The following ITGB4 variants were observed in gnomAD, a reference collection of about 807,000 sequenced individuals.
ITGB4 encodes integrin subunit beta 4, also known as integrin beta-4.
In ITGB4, 159 loss-of-function variants were observed where a neutral mutation model predicts 207.6. That is an observed-to-expected ratio of 0.77 (90% confidence interval 0.67 to 0.87). The LOEUF (loss-of-function observed/expected upper bound fraction) is 0.87. Ranked by LOEUF, ITGB4 falls within the 40% of genes least tolerant of loss-of-function variation. The pLI, the probability that ITGB4 is intolerant of heterozygous loss-of-function variation, is 0.00. For missense variants in ITGB4, 2,278 were observed against 2,546.8 expected (o/e 0.89, Z 2.27); for synonymous variants, 1,020 against 1,062.7 (o/e 0.96, Z 0.78).
rs1001372290 is a variant in ITGB4, at chr17:75,722,922, G to A, written c.-11+1310G>A. Among the ~76,000 whole-genome samples, 10 of 152,122 alleles carry A rather than the reference G, an allele frequency of 6.6e-5. No homozygotes were observed. The highest frequency in any genetic ancestry group is 2.1e-4 in the South Asian group (1 of 4,826). ...GGTCCGGGCCGCCTGGAGAGTAGGT[G>A]TCCTGAGCGCTGGGCCCAGCCCATC... is the stretch of plus-strand genomic sequence containing the variant. On this transcript the variant is annotated intron_variant, in intron 1 of 39. Transcript: ENST00000200181. This position sits in a 1 kb window ranked among gnomAD's most constrained non-coding sequence, Gnocchi z 6.2.
At chr17:75,754,530 G>A (rs572186171) in intron 33 of ITGB4, 46 bp from the exon 34 acceptor site, 41 of 1,611,820 alleles carry the variant, frequency 2.5e-5, no homozygotes, top group Admixed American at 1.2e-4. Context: ...CACGGGGCCC[G>A]GGTCTGGGGC....
At chr17:75,733,091 A>T (rs820170) in intron 12 of ITGB4, among the ~76,000 whole-genome samples, 39,806 of 149,944 alleles carry the variant, frequency 0.27, 5,461 homozygotes, top group East Asian at 0.42. Context: ...GTCTTGAAAA[A>T]AAATAAAATA....
chr17:75,753,652 T>G, intron 32 of ITGB4, 113 bp from the exon 33 acceptor site: 1 of 646,916 alleles, frequency 1.5e-6, no homozygotes, highest in Non-Finnish European at 2.2e-6. Context: ...CACCCCGGGA[T>G]CCCGGGAGCT....
At chr17:75,756,386 G>C (rs201144354) in intron 35 of ITGB4, 43 bp from the exon 36 acceptor site, 63 of 1,606,310 alleles carry the variant, frequency 3.9e-5, no homozygotes, top group Non-Finnish European at 5.4e-5. Flanking sequence ...CCAGGGGTGG[G>C]AGTAACACTG....
intron 13 of ITGB4, among the ~76,000 whole-genome samples, chr17:75,734,575 A>G (rs558366917): frequency 2.8e-4 from 42 of 152,212 alleles, no homozygotes; most frequent in Non-Finnish European, 5.3e-4. Context: ...AACTCAGACA[A>G]GGGGACATAG....
intron 26 of ITGB4, among the ~76,000 whole-genome samples, chr17:75,745,246 A>C (rs936566842): frequency 6.6e-6 from 1 of 152,038 alleles, no homozygotes; most frequent in Non-Finnish European, 1.5e-5. Flanking sequence ...TTTAAACATT[A>C]GCTGGGCATG....
Position 75,727,621 on chromosome 17 carries a change from T to G in ITGB4, c.265-30T>G, listed in dbSNP as rs1238077893. ...CCATCGGGCCTCCGGAGTGACCCTC[T>G]AGCCAGCTGTCCCCTTCCACTGGCT... On this transcript the variant is annotated intron_variant, in intron 4 of 39. Coordinates refer to ENST00000200181, the MANE Select transcript of ITGB4 (RefSeq NM_000213.5). This position sits in a 1 kb window ranked among gnomAD's most constrained non-coding sequence, Gnocchi z 6.0. The G allele has an allele frequency of 1.3e-6, 2 of 1,586,508 alleles. No homozygotes were observed. The highest frequency in any genetic ancestry group is 1.7e-6 in the Non-Finnish European group (2 of 1,166,464).
Position 75,727,142 on chromosome 17 carries a change from G to A in ITGB4, c.80-53G>A. ...CAGGTGAAGGTGCAGGTGGGAAAGTGCTTGCCTTTGCTGAGCGCCTCCCCA... is the reference window on the plus strand; with the variant it reads ...CAGGTGAAGGTGCAGGTGGGAAAGTACTTGCCTTTGCTGAGCGCCTCCCCA... On this transcript the variant is annotated intron_variant, in intron 2 of 39. Coordinates refer to ENST00000200181, the MANE Select transcript of ITGB4 (RefSeq NM_000213.5). The surrounding 1 kb of genome is among the most constrained non-coding windows in gnomAD (Gnocchi z 6.0). The A allele has an allele frequency of 6.8e-7, 1 of 1,475,858 alleles. No homozygotes were observed. Among genetic ancestry groups the A allele is most frequent in the Non-Finnish European group, 9.4e-7 (1 of 1,059,046 alleles). 91.4% of individuals were successfully genotyped at this position (1,475,858 alleles called of 1,614,324 possible).
chr17:75,747,465 C>G (rs1268954588), intron 26 of ITGB4, among the ~76,000 whole-genome samples: 1 of 152,040 alleles, frequency 6.6e-6, no homozygotes, highest in Non-Finnish European at 1.5e-5. Flanking sequence ...GGCAAAAGAG[C>G]AAAACTCCAT....
chr17:75,731,790 G>A lies in ITGB4; in HGVS notation c.1216-22G>A. 1 of 1,558,534 alleles carries A rather than the reference G, an allele frequency of 6.4e-7. No homozygotes were observed. Among genetic ancestry groups the A allele is most frequent in the African/African-American group, 1.4e-5 (1 of 73,698 alleles). On this transcript the variant is annotated intron_variant, in intron 10 of 39. Coordinates refer to ENST00000200181, the MANE Select transcript of ITGB4 (RefSeq NM_000213.5). The surrounding 1 kb of genome is among the most constrained non-coding windows in gnomAD (Gnocchi z 6.8). The stretch of plus-strand genomic sequence containing the variant: ...GGTCCTTGGGGCTGGGCCTGCCTTG[G>A]CTGACCACGGGGCCCCTGCAGGGTA...
intron 26 of ITGB4, among the ~76,000 whole-genome samples, chr17:75,747,782 T>TG (rs1349713386): frequency 6.6e-6 from 1 of 152,192 alleles, no homozygotes; most frequent in African/African-American, 2.4e-5. Context: ...CCCGAGTAGC[T>TG]GGGATTACAG....
rs1048407326 is a variant in ITGB4 at position 75,753,908 on chromosome 17, G to A, written c.4252G>A (p.Asp1418Asn). Residue 1418 changes from aspartate to asparagine, a missense_variant, in exon 33 of 40, where the codon GAC (aspartate) becomes AAC (asparagine). Asp to Asn is a conservative substitution (Grantham distance 23). Transcript: ENST00000200181. ...SDAEAPHGPP[D>N]DGGAGGKGGS... is the part of the protein sequence containing the mutation. ...CGCCGAGGCGCCCCACGGGCCCCCGGACGACGGCGGCGCGGGCGGGAAGGG... is the reference window on the plus strand; with the variant it reads ...CGCCGAGGCGCCCCACGGGCCCCCGAACGACGGCGGCGCGGGCGGGAAGGG... 3.3e-5 allele frequency: 43 copies of A among 1,290,042 alleles called. No homozygotes were observed. Among genetic ancestry groups the A allele is most frequent in the Non-Finnish European group, 3.8e-5 (39 of 1,025,108 alleles). The allele number at this position is 1,290,042 out of a possible 1,614,324, so 79.9% of individuals were successfully genotyped here.
rs1403608717 is a variant in ITGB4, at chr17:75,727,254, G to A, written c.139G>A (p.Asp47Asn). 1 of 1,614,062 alleles carries A rather than the reference G, an allele frequency of 6.2e-7. No homozygotes were observed. Among genetic ancestry groups the A allele is most frequent in the East Asian group, 2.2e-5 (1 of 44,858 alleles). ...CACGGAGTGTGTCCGTGTGGATAAG[G>A]ACTGCGCCTACTGCACAGACGAGGT... ...SCTECVRVDK[D>N]CAYCTDEMFR... is the part of the protein sequence containing the mutation. The change falls in exon 3 of 40, where the codon GAC becomes AAC. Residue 47 changes from aspartate (D) to asparagine (N), a missense_variant. Coordinates refer to ENST00000200181, the MANE Select transcript of ITGB4 (RefSeq NM_000213.5). The surrounding 1 kb of genome is among the most constrained non-coding windows in gnomAD (Gnocchi z 6.0).
At chr17:75,746,597 A>G (rs779450480) in intron 26 of ITGB4, among the ~76,000 whole-genome samples, 12 of 150,496 alleles carry the variant, frequency 8.0e-5, no homozygotes, top group Non-Finnish European at 1.5e-4. Flanking sequence ...CTCCTAGGAT[A>G]ACATGATCCT....
intron 33 of ITGB4, among the ~76,000 whole-genome samples, chr17:75,754,267 G>A (rs1352964171): frequency 6.6e-6 from 1 of 152,186 alleles, no homozygotes; most frequent in Non-Finnish European, 1.5e-5. Flanking sequence ...AGGACAGGAG[G>A]GAAGGCTTGG....
chr17:75,748,398 G>C (rs2061282169), intron 26 of ITGB4, among the ~76,000 whole-genome samples: 1 of 150,584 alleles, frequency 6.6e-6, no homozygotes, highest in African/African-American at 2.4e-5. Flanking sequence ...GGCTGGGCAT[G>C]GTGGCTCATG....
rs531987915 is a variant in ITGB4 at position 75,739,111 on chromosome 17, T to G, written c.2221-561T>G. ...AGGAGTTGGAGACAAGCCCGGCCAA[T>G]ATGGTGACACCCCATCTCTACTAGA... On this transcript the variant is annotated intron_variant, in intron 18 of 39. Coordinates refer to ENST00000200181, the MANE Select transcript of ITGB4 (RefSeq NM_000213.5). This position sits in a 1 kb window ranked among gnomAD's most constrained non-coding sequence, Gnocchi z 5.4. 3.3e-5 allele frequency among the ~76,000 whole-genome samples: 5 copies of G among 151,790 alleles called. No homozygotes were observed. The highest frequency in any genetic ancestry group is 7.4e-5 in the Non-Finnish European group (5 of 67,950).
Position 75,750,775 on chromosome 17 carries a change from C to T in ITGB4, c.3570C>T (p.Cys1190=), listed in dbSNP as rs138462843. 467 of 1,613,550 alleles carry T rather than the reference C, an allele frequency of 2.9e-4. 2 individuals are homozygous for T. The African/African-American group carries it at 4.6e-3, about 16-fold the overall frequency. ...SVELTNLYPY[C]DYEMKVCAYG... Reference sequence around the variant, plus strand: ...AGCTCACCAACCTGTACCCGTATTGCGACTATGAGATGAAGGTGTGCGCCT... The same window carrying T: ...AGCTCACCAACCTGTACCCGTATTGTGACTATGAGATGAAGGTGTGCGCCT... Residue 1190 remains cysteine, a synonymous_variant, in exon 29 of 40, where the codon TGC becomes TGT. Coordinates refer to ENST00000200181, the MANE Select transcript of ITGB4 (RefSeq NM_000213.5). The surrounding 1 kb of genome is among the most constrained non-coding windows in gnomAD (Gnocchi z 5.5).
Position 75,757,671 on chromosome 17 carries a change from C to T in ITGB4, c.*116C>T. The T allele has an allele frequency of 7.1e-7, 1 of 1,410,154 alleles. No individual in the cohort carries two copies. The highest frequency in any genetic ancestry group is 1.0e-6 in the Non-Finnish European group (1 of 1,001,864). 87.4% of individuals were successfully genotyped at this position (1,410,154 alleles called of 1,614,324 possible). A position where few individuals can be genotyped will look rare whatever the true frequency, so the allele number is the denominator to read the frequency against. On this transcript the variant is annotated 3_prime_UTR_variant, in exon 40 of 40. Coordinates refer to ENST00000200181, the MANE Select transcript of ITGB4 (RefSeq NM_000213.5). ...TGGGGGCCCAGCCCACCCGCATGCA[C>T]AGAGCAGGGGCTAGGTGTCTCCTGG... is the stretch of plus-strand genomic sequence containing the variant.
Sources: allele counts gnomAD v4.1 joint callset (sites outside exome capture counted in the v4.1 genomes callset), GRCh38; gene constraint gnomAD v4.1.1; non-coding constraint Gnocchi (gnomAD v3.1); transcripts MANE v1.5; gene names NCBI Gene and HGNC (gene_info 2026-07-23, HGNC 2026-07-21).